Variants in CCM2 observed in about 807,000 individuals in gnomAD.
CCM2 encodes the protein CCM2 scaffold protein.
A neutral mutation model predicts 44.9 loss-of-function variants in CCM2; 25 were observed. The ratio of observed to expected loss-of-function variants is 0.56; its 90% CI spans 0.41 to 0.78. The LOEUF is 0.78. Among genes scored for constraint, CCM2 ranks in the 30% least tolerant of loss-of-function variants. CCM2 has a pLI of 0.00. For synonymous variants in CCM2, 219 were observed against 241.1 expected (o/e 0.91, Z 0.85); for missense variants, 481 against 580.6 (o/e 0.83, Z 1.76).
chr7:45,045,871 A>C (rs1186046314), intron 2 of CCM2, among the ~76,000 whole-genome samples: 3 of 152,244 alleles, frequency 2.0e-5, no homozygotes, highest in Non-Finnish European at 4.4e-5. Flanking sequence ...TCAAAATTAA[A>C]TCAATACCAT....
intron 4 of CCM2, among the ~76,000 whole-genome samples, chr7:45,067,307 T>C (rs143875008): frequency 0.01 from 1,563 of 151,694 alleles, 25 homozygotes; most frequent in African/African-American, 0.036. Flanking sequence ...ATTACAGGCA[T>C]GAGCCACCAC....
At chr7:45,028,265 G>T (rs1375565412) in intron 1 of CCM2, among the ~76,000 whole-genome samples, 3 of 152,162 alleles carry the variant, frequency 2.0e-5, no homozygotes, top group East Asian at 3.9e-4. Context: ...CATGGATCCT[G>T]GCCACCGCCA....
chr7:45,029,745 G>T lies in CCM2; in HGVS notation c.31-8508G>T, dbSNP rs188448581. 4.2e-4 allele frequency among the ~76,000 whole-genome samples: 64 copies of T among 152,364 alleles called. No individual in the cohort carries two copies. The East Asian group carries it at 6.7e-3, about 16-fold the overall frequency. ...TAACAAAACTCAAGACCCGCAGTTG[G>T]CATCTGAGGGCCAGCCTTGCCCAGA... is the stretch of plus-strand genomic sequence containing the variant. On this transcript the variant is annotated intron_variant, in intron 1 of 9. Transcript: ENST00000258781.
chr7:45,022,414 C>T (rs895232163), intron 1 of CCM2, among the ~76,000 whole-genome samples: 10 of 143,494 alleles, frequency 7.0e-5, no homozygotes, highest in Non-Finnish European at 1.5e-4. Context: ...TCACGCCATT[C>T]TCCTGTCTCA....
chr7:45,075,922 C>A lies in CCM2; in HGVS notation c.1200C>A (p.Thr400=). 1 of 1,613,250 alleles carries A rather than the reference C, an allele frequency of 6.2e-7. No homozygotes were observed. The highest frequency in any genetic ancestry group is 8.5e-7 in the Non-Finnish European group (1 of 1,180,034). ...TGAGCACCACATCCAGTTCCACCACCAATGGGAACAGGGCCACGGGCAGCT... is the reference window on the plus strand; with the variant it reads ...TGAGCACCACATCCAGTTCCACCACAAATGGGAACAGGGCCACGGGCAGCT... ...RALSTTSSST[T]NGNRATGSSD... is the part of the protein sequence containing the mutation. The change falls in exon 10 of 10, where the codon ACC becomes ACA. Residue 400 remains threonine (T), a synonymous_variant. Transcript: ENST00000258781.
chr7:45,039,575 A>G (rs1240543949), intron 2 of CCM2, among the ~76,000 whole-genome samples: 1 of 152,236 alleles, frequency 6.6e-6, no homozygotes, highest in East Asian at 1.9e-4. Flanking sequence ...GCTCAAGACA[A>G]ATACACAAAC....
chr7:45,029,585 G>T (rs767840977), intron 1 of CCM2: 4 of 152,224 alleles, frequency 2.6e-5, no homozygotes, highest in Non-Finnish European at 4.4e-5. Context: ...GGTTCTTTTA[G>T]TGGATTCATT....
intron 4 of CCM2, chr7:45,067,688 G>A (rs1308729714): frequency 6.5e-6 from 1 of 153,012 alleles, no homozygotes; most frequent in Non-Finnish European, 1.5e-5. Flanking sequence ...GCAGCCCCAG[G>A]AGTCTCACTG....
chr7:45,029,121 G>A (rs1583879708), intron 1 of CCM2, among the ~76,000 whole-genome samples: 3 of 152,296 alleles, frequency 2.0e-5, no homozygotes, highest in African/African-American at 7.2e-5. Context: ...ATGTGGCTGT[G>A]CAGTTGCGGT....
intron 5 of CCM2, among the ~76,000 whole-genome samples, chr7:45,068,964 A>G (rs143590829): frequency 6.6e-6 from 1 of 152,232 alleles, no homozygotes; most frequent in East Asian, 1.9e-4. Context: ...AGGTGCCCCC[A>G]CGCTGATGGG....
In CCM2 at chr7:45,038,385, CCAGA is replaced by C. The variant is rs1562882045; in HGVS notation, c.169_172del (p.Arg57CysfsTer2). ...GTTGTCATTGCCTGAGCGCGTCGAG[CCAGA>C]CAGACTGCTGAGCGACTATATTGAG... On this transcript the variant is annotated frameshift_variant, in exon 2 of 10. Coordinates refer to ENST00000258781, the MANE Select transcript of CCM2 (RefSeq NM_031443.4). LOFTEE classifies it high-confidence loss of function. 1 of 1,614,094 alleles carries C rather than the reference CCAGA, an allele frequency of 6.2e-7. No homozygotes were observed. The highest frequency in any genetic ancestry group is 8.5e-7 in the Non-Finnish European group (1 of 1,180,026).
intron 2 of CCM2, among the ~76,000 whole-genome samples, chr7:45,060,236 C>T (rs952503840): frequency 6.6e-6 from 1 of 152,110 alleles, no homozygotes; most frequent in African/African-American, 2.4e-5. Context: ...CAAATAGTTC[C>T]CTCCTCTCTC....
chr7:45,004,623 A>AT (rs1562852453), intron 1 of CCM2, among the ~76,000 whole-genome samples: 1 of 152,228 alleles, frequency 6.6e-6, no homozygotes, highest in Admixed American at 6.5e-5. Flanking sequence ...GCAGACATAA[A>AT]TGTGTGTGTC....
intron 1 of CCM2, among the ~76,000 whole-genome samples, chr7:45,025,330 G>A (rs1362357819): frequency 3.3e-5 from 5 of 152,082 alleles, no homozygotes; most frequent in Non-Finnish European, 5.9e-5. Flanking sequence ...TCCCTTTATC[G>A]AATTGGTGGC....
intron 2 of CCM2, among the ~76,000 whole-genome samples, chr7:45,051,127 G>C (rs1210546544): frequency 6.6e-6 from 1 of 152,052 alleles, no homozygotes; most frequent in Non-Finnish European, 1.5e-5. Flanking sequence ...TATTTCTCAC[G>C]TTAAGTTCAT....
chr7:45,068,852 C>G (rs1362720665), intron 5 of CCM2, among the ~76,000 whole-genome samples: 1 of 152,244 alleles, frequency 6.6e-6, no homozygotes. Context: ...CCCAGGCTCC[C>G]CACCGGTTCC....
At chr7:45,042,957 C>CTCTTCT (rs996093018) in intron 2 of CCM2, among the ~76,000 whole-genome samples, 1 of 136,466 alleles carries the variant, frequency 7.3e-6, no homozygotes, top group Non-Finnish European at 1.5e-5. Flanking sequence ...GCTTTCTCTT[C>CTCTTCT]TCTTCTTCTT....
At chr7:45,013,192 C>T (rs758938293) in intron 1 of CCM2, among the ~76,000 whole-genome samples, 1 of 152,032 alleles carries the variant, frequency 6.6e-6, no homozygotes, top group African/African-American at 2.4e-5. Flanking sequence ...AATATCATTT[C>T]TTTCTTGTAC....
chr7:45,055,803 C>T (rs1798231561), intron 2 of CCM2, among the ~76,000 whole-genome samples: 2 of 152,222 alleles, frequency 1.3e-5, no homozygotes. Flanking sequence ...CCCACCAGCC[C>T]TTACTGAAAC....
Sources: gnomAD v4.1 joint callset for allele counts (sites outside exome capture counted in the v4.1 genomes callset) on GRCh38, gnomAD v4.1.1 for gene constraint, MANE v1.5 for transcripts, NCBI Gene and HGNC (gene_info 2026-07-23, HGNC 2026-07-21) for gene names.